The following ULBP2 variants were observed in gnomAD, a reference collection of about 807,000 sequenced individuals.
ULBP2 encodes UL16 binding protein 2.
ULBP2 carries 21 observed loss-of-function variants against 23.6 expected under a neutral mutation model. The observed-to-expected ratio is 0.89, with a 90% CI of 0.63 to 1.28. The LOEUF (loss-of-function observed/expected upper bound fraction) is 1.28. Among genes scored for constraint, ULBP2 ranks in the 50% most tolerant of loss-of-function variants. ULBP2 has a pLI of 0.00. For synonymous variants in ULBP2, 82 were observed against 112.8 expected, an observed-to-expected ratio of 0.73 and a Z score of 1.73; for missense variants, 251 against 306.0, an observed-to-expected ratio of 0.82 and a Z score of 1.34.
Position 149,946,513 on chromosome 6 carries a change from G to A in ULBP2, c.491G>A (p.Gly164Glu). Reference sequence around the variant, plus strand: ...AGAATGTGGACAACGGTTCATCCTGGAGCCAGAAAGATGAAAGAAAAGTGG... The same window carrying A: ...AGAATGTGGACAACGGTTCATCCTGAAGCCAGAAAGATGAAAGAAAAGTGG... ...EKRMWTTVHPGARKMKEKWEN... is the reference protein window; with the variant it reads ...EKRMWTTVHPEARKMKEKWEN... Residue 164 changes from glycine to glutamate, a missense_variant, in exon 3 of 5, where the codon GGA becomes GAA. Gly to Glu is a moderately conservative substitution (Grantham distance 98). Around this residue, in one of 2 missense-constraint regions of ULBP2, gnomAD observed 248 missense variants for 258.9 expected, o/e 0.96. Coordinates refer to ENST00000367351, the MANE Select transcript of ULBP2 (RefSeq NM_025217.4). 1.2e-6 allele frequency: 2 copies of A among 1,614,122 alleles called. No individual in the cohort carries two copies. Among genetic ancestry groups the A allele is most frequent in the Non-Finnish European group, 1.7e-6 (2 of 1,180,032 alleles).
At chr6:149,946,897 C>T (rs1300419528) in intron 3 of ULBP2, among the ~76,000 whole-genome samples, 1 of 152,188 alleles carries the variant, frequency 6.6e-6, no homozygotes. Context: ...GGATTTCTCA[C>T]CAGCCTTGAA....
At chr6:149,943,591 A>G (rs1164588467) in intron 1 of ULBP2, among the ~76,000 whole-genome samples, 1 of 151,924 alleles carries the variant, frequency 6.6e-6, no homozygotes, top group Non-Finnish European at 1.5e-5. Context: ...CTAACTTCCT[A>G]ATGACCTAGA....
chr6:149,944,870 C>T (rs1214974520), intron 1 of ULBP2, among the ~76,000 whole-genome samples: 4 of 136,870 alleles, frequency 2.9e-5, no homozygotes, highest in Non-Finnish European at 4.5e-5. Context: ...CTTTATCCAA[C>T]GGGGTTCCAT....
chr6:149,942,797 G>A (rs1236202829), intron 1 of ULBP2, among the ~76,000 whole-genome samples: 4 of 152,070 alleles, frequency 2.6e-5, no homozygotes, highest in African/African-American at 9.7e-5. Context: ...CATCCATGAA[G>A]GGGACCTCAC....
At chr6:149,946,251 A>G in intron 2 of ULBP2, 121 bp from the exon 3 acceptor site, 3 of 1,285,156 alleles carry the variant, frequency 2.3e-6, no homozygotes, top group African/African-American at 1.5e-5. Flanking sequence ...CATACCCCTC[A>G]AGAGTCTAGA....
rs372119526 is a variant in ULBP2, at chr6:149,948,799, G to C, written c.*99G>C. ...CCCTTCTGTCTGGCCAGCTGCCCACGACCTACGGTGTATGTCCAGTGGCCT... is the reference window on the plus strand; with the variant it reads ...CCCTTCTGTCTGGCCAGCTGCCCACCACCTACGGTGTATGTCCAGTGGCCT... On this transcript the variant is annotated 3_prime_UTR_variant, in exon 5 of 5. Transcript: ENST00000367351. 1.6e-3 allele frequency: 741 copies of C among 456,618 alleles called. 4 individuals are homozygous for C. The highest frequency in any genetic ancestry group is 0.013 in the African/African-American group (675 of 50,124). 28.3% of individuals were successfully genotyped at this position (456,618 alleles called of 1,614,324 possible).
Position 149,942,019 on chromosome 6 carries a change from T to C in ULBP2, c.-54T>C. ...GGCTTTAAAACCTTGAGGTGATTCA[T>C]CTTCCAGGCTCTCCTTCCATCAAGT... On this transcript the variant is annotated 5_prime_UTR_variant, in exon 1 of 5. Transcript: ENST00000367351. The C allele has an allele frequency of 6.4e-7, 1 of 1,568,016 alleles. No homozygotes were observed. Among genetic ancestry groups the C allele is most frequent in the African/African-American group, 1.4e-5 (1 of 73,996 alleles).
At chr6:149,944,209 T>A (rs1368513505) in intron 1 of ULBP2, among the ~76,000 whole-genome samples, 1 of 152,130 alleles carries the variant, frequency 6.6e-6, no homozygotes, top group Non-Finnish European at 1.5e-5. Flanking sequence ...TCGTTCTTGA[T>A]GGACTGGCTA....
intron 3 of ULBP2, 101 bp from the exon 4 acceptor site, chr6:149,947,219 C>G: frequency 6.3e-7 from 1 of 1,589,634 alleles, no homozygotes; most frequent in Non-Finnish European, 8.6e-7. Flanking sequence ...GAGGACAAAA[C>G]TTTTGCCTTC....
chr6:149,947,222 T>C (rs1778956681), intron 3 of ULBP2, 98 bp from the exon 4 acceptor site: 2 of 1,588,860 alleles, frequency 1.3e-6, no homozygotes, highest in Non-Finnish European at 1.7e-6. Context: ...GACAAAACTT[T>C]TGCCTTCCAG....
intron 1 of ULBP2, 104 bp from the exon 2 acceptor site, chr6:149,945,205 C>T (rs1778916129): frequency 2.8e-6 from 4 of 1,406,312 alleles, no homozygotes; most frequent in African/African-American, 2.9e-5. Context: ...CCTTCCTGGG[C>T]CAGCCCAGCC....
intron 2 of ULBP2, 88 bp from the exon 3 acceptor site, chr6:149,946,284 G>C (rs1289142667): frequency 6.7e-7 from 1 of 1,483,020 alleles, no homozygotes; most frequent in Admixed American, 1.9e-5. Flanking sequence ...ATGTAGCAGA[G>C]AGAGTAAGGC....
rs776383609 is a variant in ULBP2, at chr6:149,942,166, G to C, written c.85+9G>C. The C allele has an allele frequency of 1.9e-6, 3 of 1,612,752 alleles. No homozygotes were observed. The highest frequency in any genetic ancestry group is 1.1e-5 in the South Asian group (1 of 90,880). On this transcript the variant is annotated intron_variant, in intron 1 of 4. Transcript: ENST00000367351. ...CCGGGCTGGGCGAGCCGGTGAGTTC[G>C]TGGATGGAGCCTAAGCCGGGCGGGG...
At chr6:149,943,274 A>G (rs1165063622) in intron 1 of ULBP2, among the ~76,000 whole-genome samples, 3 of 151,980 alleles carry the variant, frequency 2.0e-5, no homozygotes, top group African/African-American at 7.3e-5. Flanking sequence ...TCTCCAAGTG[A>G]TGTCTCTGAT....
intron 3 of ULBP2, 133 bp downstream of exon 3, chr6:149,946,786 C>T: frequency 6.8e-7 from 1 of 1,470,186 alleles, no homozygotes; most frequent in Non-Finnish European, 9.2e-7. Flanking sequence ...GTGGGGCGCT[C>T]CTCCTGGGGT....
chr6:149,943,918 G>C (rs137857292), intron 1 of ULBP2, among the ~76,000 whole-genome samples: 1 of 151,916 alleles, frequency 6.6e-6, no homozygotes, highest in African/African-American at 2.4e-5. Flanking sequence ...GTCCAGCCTC[G>C]CTCATCATGC....
intron 1 of ULBP2, among the ~76,000 whole-genome samples, chr6:149,943,604 G>A (rs932773183): frequency 1.3e-5 from 2 of 152,204 alleles, no homozygotes; most frequent in African/African-American, 4.8e-5. Context: ...GACCTAGAGG[G>A]TGAGGAGCCC....
Position 149,945,370 on chromosome 6 carries a change from G to T in ULBP2, c.147G>T (p.Trp49Cys). 2 of 1,612,626 alleles carry T rather than the reference G, an allele frequency of 1.2e-6. No individual in the cohort carries two copies. Among genetic ancestry groups the T allele is most frequent in the Non-Finnish European group, 1.7e-6 (2 of 1,179,858 alleles). Residue 49 changes from tryptophan (W) to cysteine (C), a missense_variant, in exon 2 of 5, where the codon TGG becomes TGT. Trp to Cys is a radical substitution (Grantham distance 215). This residue lies in a region of ULBP2 where 248 missense variants were observed against 258.9 expected (regional missense o/e 0.96). Coordinates refer to ENST00000367351, the MANE Select transcript of ULBP2 (RefSeq NM_025217.4). ...CTAAGTTCAGACCTGGACCACGGTGGTGTGCGGTTCAAGGCCAGGTGGATG... is the reference window on the plus strand; with the variant it reads ...CTAAGTTCAGACCTGGACCACGGTGTTGTGCGGTTCAAGGCCAGGTGGATG... ...VIPKFRPGPRWCAVQGQVDEK... is the reference protein window; with the variant it reads ...VIPKFRPGPRCCAVQGQVDEK...
intron 1 of ULBP2, 88 bp downstream of exon 1, chr6:149,942,245 T>G: frequency 7.1e-7 from 1 of 1,400,212 alleles, no homozygotes; most frequent in Non-Finnish European, 9.6e-7. Context: ...GGGAGGCTTC[T>G]AGAAGGACGG....
Sources: allele counts gnomAD v4.1 joint callset (sites outside exome capture counted in the v4.1 genomes callset), GRCh38; gene constraint gnomAD v4.1.1; regional missense constraint gnomAD v4.1.1; transcripts MANE v1.5; gene names NCBI Gene and HGNC (gene_info 2026-07-23, HGNC 2026-07-21).